Variants in EPS15 observed in about 807,000 individuals in gnomAD.
EPS15 encodes epidermal growth factor receptor substrate 15.
In EPS15, 72 loss-of-function variants were observed where a neutral mutation model predicts 113.8. The ratio of observed to expected loss-of-function variants is 0.63; its 90% CI spans 0.52 to 0.77. EPS15 has a LOEUF of 0.77. Ranked by LOEUF, EPS15 falls within the 30% of genes least tolerant of loss-of-function variation. EPS15 has a pLI of 0.00. For missense variants in EPS15, 1,048 were observed against 1,045.8 expected (o/e 1.00, Z -0.03); for synonymous variants, 344 against 363.4 (o/e 0.95, Z 0.61).
chr1:51,517,761 C>A (rs1164624282), intron 1 of EPS15, among the ~76,000 whole-genome samples: 1 of 151,858 alleles, frequency 6.6e-6, no homozygotes, highest in Admixed American at 6.6e-5. Context: ...AGGACAACCA[C>A]CACCACCATC....
intron 12 of EPS15, among the ~76,000 whole-genome samples, chr1:51,439,063 A>G (rs1570308030): frequency 6.6e-6 from 1 of 152,168 alleles, no homozygotes; most frequent in Non-Finnish European, 1.5e-5. Flanking sequence ...ATTTGAAATT[A>G]TAAGTACATG....
intron 12 of EPS15, among the ~76,000 whole-genome samples, chr1:51,430,787 C>T (rs1305328262): frequency 6.6e-6 from 1 of 151,750 alleles, no homozygotes; most frequent in African/African-American, 2.4e-5. Flanking sequence ...ACACCCACAT[C>T]TCTATAAAAT....
chr1:51,424,179 A>C (rs1379624301), intron 12 of EPS15, among the ~76,000 whole-genome samples: 1 of 152,212 alleles, frequency 6.6e-6, no homozygotes. Flanking sequence ...TTAAATGTTC[A>C]ATTATATCAC....
rs368240352 is a variant in EPS15, at chr1:51,430,387, G to A, written c.1041-8529C>T. On this transcript the variant is annotated intron_variant, in intron 12 of 24. Coordinates refer to ENST00000371733, the MANE Select transcript of EPS15 (RefSeq NM_001981.3). ...AGTTCGAGACAAGCCTGGCCAACTC[G>A]CTGAAACCCCATCTCTACTAAAAAT... is the stretch of plus-strand genomic sequence containing the variant. Among the ~76,000 whole-genome samples the A allele has an allele frequency of 4.6e-5, 7 of 151,952 alleles. No homozygotes were observed. The South Asian group carries it at 1.3e-3, about 27-fold the overall frequency.
chr1:51,423,191 C>T lies in EPS15; in HGVS notation c.1041-1333G>A, dbSNP rs139292058. 1,787 of 1,287,874 alleles carry T rather than the reference C, an allele frequency of 1.4e-3. 18 individuals carry two copies. The African/African-American group carries it at 0.025, about 18-fold the overall frequency. 79.8% of individuals were successfully genotyped at this position (1,287,874 alleles called of 1,614,324 possible). A position where few individuals can be genotyped will look rare whatever the true frequency, so the allele number is the denominator to read the frequency against. ...TGTTACTTTTAAACATTTGAGATGGCCAAGGAGCTCACTAACCGTTTGTCA... is the reference window on the plus strand; with the variant it reads ...TGTTACTTTTAAACATTTGAGATGGTCAAGGAGCTCACTAACCGTTTGTCA... On this transcript the variant is annotated intron_variant, in intron 12 of 24. Coordinates refer to ENST00000371733, the MANE Select transcript of EPS15 (RefSeq NM_001981.3).
At chr1:51,511,461 C>T (rs746896373) in intron 1 of EPS15, among the ~76,000 whole-genome samples, 15 of 152,204 alleles carry the variant, frequency 9.9e-5, no homozygotes, top group Non-Finnish European at 1.8e-4. Context: ...CACCACTGCA[C>T]TCCAGCCTGG....
intron 1 of EPS15, among the ~76,000 whole-genome samples, chr1:51,510,259 T>A (rs1362407378): frequency 6.6e-6 from 1 of 152,130 alleles, no homozygotes; most frequent in Non-Finnish European, 1.5e-5. Context: ...GAATGTAAGA[T>A]CACATGAATG....
At position 51,408,192 on chromosome 1, in the gene EPS15, C is replaced by T; in HGVS notation, c.1416G>A (p.Lys472=). The T allele has an allele frequency of 6.2e-7, 1 of 1,614,086 alleles. No individual in the cohort carries two copies. Among genetic ancestry groups the T allele is most frequent in the East Asian group, 2.2e-5 (1 of 44,876 alleles). ...GCTGCTGAAGAGGTTCCAACTGAGC[C>T]TTCCCTGACTCTACACTCTCCTCCA... is the stretch of plus-strand genomic sequence containing the variant. The part of the protein sequence containing the change: ...AELEESVESG[K]AQLEPLQQHL... Residue 472 remains lysine (K), a synonymous_variant, in exon 15 of 25, where the codon AAG becomes AAA. Coordinates refer to ENST00000371733, the MANE Select transcript of EPS15 (RefSeq NM_001981.3).
At chr1:51,436,134 C>A (rs1652133882) in intron 12 of EPS15, among the ~76,000 whole-genome samples, 3 of 152,122 alleles carry the variant, frequency 2.0e-5, no homozygotes, top group Admixed American at 1.3e-4. Context: ...CTTTTTAGTA[C>A]CACAGGGCAG....
chr1:51,392,857 T>C (rs988502485), intron 21 of EPS15, among the ~76,000 whole-genome samples: 8 of 152,270 alleles, frequency 5.3e-5, no homozygotes, highest in African/African-American at 1.9e-4. Context: ...TGGGCAATCA[T>C]AAACGTATTA....
At chr1:51,372,378 C>T (rs1646678597) in intron 21 of EPS15, 1 of 536,418 alleles carries the variant, frequency 1.9e-6, no homozygotes, top group Non-Finnish European at 3.8e-6. Flanking sequence ...TGTTGGTGTG[C>T]TTTTGGGGTC....
chr1:51,471,795 ATAAAT>A (rs1286216198), intron 3 of EPS15, 58 bp from the exon 4 acceptor site: 1 of 1,215,880 alleles, frequency 8.2e-7, no homozygotes, highest in Non-Finnish European at 1.2e-6. Context: ...CATCTGAATG[ATAAAT>A]TAAATCTCTG....
intron 8 of EPS15, among the ~76,000 whole-genome samples, chr1:51,455,070 C>CA (rs1168903304): frequency 2.0e-5 from 3 of 152,154 alleles, no homozygotes; most frequent in African/African-American, 7.2e-5. Flanking sequence ...AGCATAGGCT[C>CA]ATTCACCAAA....
chr1:51,455,041 T>C (rs1234843725), intron 8 of EPS15, among the ~76,000 whole-genome samples: 1 of 152,154 alleles, frequency 6.6e-6, no homozygotes, highest in Non-Finnish European at 1.5e-5. Flanking sequence ...TGTCAAACTC[T>C]AAATCTACAA....
At chr1:51,391,685 GC>G (rs1161272987) in intron 21 of EPS15, among the ~76,000 whole-genome samples, 55 of 152,134 alleles carry the variant, frequency 3.6e-4, no homozygotes, top group Non-Finnish European at 1.8e-4. Flanking sequence ...AAAAGTGCAG[GC>G]CACTGTAAGG....
At chr1:51,394,702 G>A (rs1647746912) in intron 20 of EPS15, among the ~76,000 whole-genome samples, 1 of 152,190 alleles carries the variant, frequency 6.6e-6, no homozygotes, top group Non-Finnish European at 1.5e-5. Flanking sequence ...TAACAAGTAA[G>A]TATCAAGTGA....
At chr1:51,441,134 C>T (rs1652566992) in intron 11 of EPS15, among the ~76,000 whole-genome samples, 1 of 152,100 alleles carries the variant, frequency 6.6e-6, no homozygotes, top group Admixed American at 6.6e-5. Context: ...TTACTAACTG[C>T]ATTATCATCA....
intron 1 of EPS15, among the ~76,000 whole-genome samples, chr1:51,515,833 C>A (rs1231754428): frequency 1.3e-5 from 2 of 152,174 alleles, no homozygotes; most frequent in Non-Finnish European, 2.9e-5. Flanking sequence ...TGGTTCAAAT[C>A]GTAGATTCAC....
chr1:51,368,181 T>G (rs1447636125), intron 21 of EPS15, among the ~76,000 whole-genome samples: 3 of 152,066 alleles, frequency 2.0e-5, no homozygotes, highest in Non-Finnish European at 4.4e-5. Flanking sequence ...CAAACTATTC[T>G]TAGAACAAAA....
Sources: gnomAD v4.1 joint callset for allele counts (sites outside exome capture counted in the v4.1 genomes callset) on GRCh38, gnomAD v4.1.1 for gene constraint, MANE v1.5 for transcripts, NCBI Gene and HGNC (gene_info 2026-07-23, HGNC 2026-07-21) for gene names.